SMG1: variants seen among roughly 807,000 people sequenced by gnomAD.
SMG1 encodes the protein serine/threonine-protein kinase SMG1.
SMG1 carries 22 observed loss-of-function variants against 419.9 expected under a neutral mutation model. That is an observed-to-expected ratio of 0.05 (90% CI 0.04 to 0.07). The LOEUF (loss-of-function observed/expected upper bound fraction) is 0.07. SMG1 is among the 10% of genes least tolerant of loss of function. SMG1 has a pLI of 1.00. For missense variants in SMG1, 3,185 were observed against 4,342.0 expected (o/e 0.73, Z 7.49); for synonymous variants, 1,538 against 1,553.5 (o/e 0.99, Z 0.23).
chr16:18,837,086 A>C (rs56962380), intron 46 of SMG1, among the ~76,000 whole-genome samples, 167 bp downstream of exon 46: 1 of 152,170 alleles, frequency 6.6e-6, no homozygotes, highest in Non-Finnish European at 1.5e-5. Flanking sequence ...AAAGCAGACA[A>C]TTTCAGTGAA....
chr16:18,884,302 T>G (rs1404859192), intron 8 of SMG1, 135 bp from the exon 9 acceptor site: 2 of 480,612 alleles, frequency 4.2e-6, no homozygotes, highest in Non-Finnish European at 7.6e-6. Context: ...ATGTCCTATA[T>G]CATAAAATTA....
At chr16:18,885,691 G>A (rs1378994687) in intron 6 of SMG1, 25 bp from the exon 7 acceptor site, 20 of 1,593,540 alleles carry the variant, frequency 1.3e-5, no homozygotes, top group African/African-American at 4.0e-5. Context: ...GTTACAAACC[G>A]TGAACATTCA....
At chr16:18,871,283 T>C in intron 16 of SMG1, 81 bp downstream of exon 16, 1 of 643,306 alleles carries the variant, frequency 1.6e-6, no homozygotes, top group Non-Finnish European at 2.6e-6. Flanking sequence ...AACAGCTCGA[T>C]TCATGACCAT....
intron 1 of SMG1, among the ~76,000 whole-genome samples, chr16:18,902,771 A>T (rs571781383): frequency 1.3e-4 from 20 of 151,990 alleles, no homozygotes; most frequent in Non-Finnish European, 2.5e-4. Context: ...TGCAAGGGTC[A>T]TCTTATGGAC....
intron 30 of SMG1, among the ~76,000 whole-genome samples, chr16:18,854,404 C>T (rs1164519215): frequency 6.6e-6 from 1 of 152,050 alleles, no homozygotes; most frequent in African/African-American, 2.4e-5. Context: ...GTTAAAAAAA[C>T]ATGTAAATTC....
At chr16:18,906,609 C>T (rs2037573562) in intron 1 of SMG1, among the ~76,000 whole-genome samples, 1 of 152,160 alleles carries the variant, frequency 6.6e-6, no homozygotes, top group African/African-American at 2.4e-5. Context: ...CTAAATCCCC[C>T]CCATAAACAT....
At chr16:18,841,397 CAAAAAAAAAAA>C (rs149043036) in intron 41 of SMG1, among the ~76,000 whole-genome samples, 157 bp downstream of exon 41, 1 of 105,368 alleles carries the variant, frequency 9.5e-6, no homozygotes, top group Non-Finnish European at 1.9e-5. Context: ...GACTGTGTCT[CAAAAAAAAAAA>C]AAAAAAAAAA....
At position 18,838,122 on chromosome 16, in the gene SMG1, A is replaced by G. The variant is rs1253533818; in HGVS notation, c.7305T>C (p.Gly2435=). 13 of 1,613,848 alleles carry G rather than the reference A, an allele frequency of 8.1e-6. No homozygotes were observed. The highest frequency in any genetic ancestry group is 1.1e-5 in the Non-Finnish European group (13 of 1,179,892). The stretch of plus-strand genomic sequence containing the variant: ...GCTGGCCACCTCCACCATAGACAGC[A>G]CCAGCAAACCCAGCCTCGCCTCCTG... ...WTAGGEAGFA[G]AVYGGGGQQA... The change falls in exon 45 of 63, where the codon GGT becomes GGC. Residue 2435 remains glycine (G), a synonymous_variant. Transcript: ENST00000446231.
At chr16:18,857,168 G>T (rs777520443) in intron 29 of SMG1, 15 of 152,208 alleles carry the variant, frequency 9.9e-5, no homozygotes, top group Non-Finnish European at 1.6e-4. Flanking sequence ...CTCTGCAGTG[G>T]TCCCTATCTT....
chr16:18,841,403 A>C (rs1421341636), intron 41 of SMG1, among the ~76,000 whole-genome samples, 162 bp downstream of exon 41: 3 of 151,524 alleles, frequency 2.0e-5, no homozygotes, highest in African/African-American at 7.3e-5. Flanking sequence ...GTCTCAAAAA[A>C]AAAAAAAAAA....
chr16:18,838,337 G>T lies in SMG1; in HGVS notation c.7194+20C>A, dbSNP rs1419418775. The T allele has an allele frequency of 5.0e-6, 8 of 1,604,850 alleles. No homozygotes were observed. The highest frequency in any genetic ancestry group is 6.8e-6 in the Non-Finnish European group (8 of 1,174,462). Reference sequence around the variant, plus strand: ...CTCATTTAACAAATACACTAAAAGGGAGAAGAGAAAACAGCATACCTGCTC... The same window carrying T: ...CTCATTTAACAAATACACTAAAAGGTAGAAGAGAAAACAGCATACCTGCTC... On this transcript the variant is annotated intron_variant, in intron 44 of 62. Coordinates refer to ENST00000446231, the MANE Select transcript of SMG1 (RefSeq NM_015092.5).
intron 26 of SMG1, 73 bp downstream of exon 26, chr16:18,860,594 G>GTAAAA (rs1266716088): frequency 3.0e-6 from 2 of 677,420 alleles, no homozygotes; most frequent in African/African-American, 3.7e-5. Flanking sequence ...AGATTTTCCA[G>GTAAAA]TAAAATATAC....
At chr16:18,912,983 T>C (rs1434968702) in intron 1 of SMG1, among the ~76,000 whole-genome samples, 1 of 152,072 alleles carries the variant, frequency 6.6e-6, no homozygotes, top group African/African-American at 2.4e-5. Flanking sequence ...ATCCCAGGAT[T>C]TGTTTTCTTT....
intron 6 of SMG1, among the ~76,000 whole-genome samples, chr16:18,888,164 CAA>C (rs991748168): frequency 1.5e-4 from 6 of 41,190 alleles, no homozygotes; most frequent in East Asian, 7.2e-4. Context: ...GACTCTGCAT[CAA>C]AAAAAAAAAA....
At chr16:18,870,424 A>C (rs2141592284) in intron 18 of SMG1, among the ~76,000 whole-genome samples, 186 bp downstream of exon 18, 1 of 152,362 alleles carries the variant, frequency 6.6e-6, no homozygotes, top group South Asian at 2.1e-4. Flanking sequence ...AGCTCATTAA[A>C]AATTTTTAAT....
chr16:18,900,995 G>A (rs1394351950), intron 1 of SMG1, among the ~76,000 whole-genome samples: 1 of 152,126 alleles, frequency 6.6e-6, no homozygotes, highest in Non-Finnish European at 1.5e-5. Flanking sequence ...TGAGTCTATG[G>A]CTAAAATATT....
chr16:18,854,561 T>A, intron 30 of SMG1, 95 bp downstream of exon 30: 3 of 1,180,900 alleles, frequency 2.5e-6, no homozygotes, highest in Non-Finnish European at 2.3e-6. Context: ...AATGATCAAC[T>A]TTGCTATTAC....
chr16:18,863,237 T>A (rs2035305914), intron 25 of SMG1, among the ~76,000 whole-genome samples: 1 of 152,228 alleles, frequency 6.6e-6, no homozygotes, highest in South Asian at 2.1e-4. Context: ...CACAGAGGAA[T>A]GAAAAGAAAG....
intron 23 of SMG1, 50 bp from the exon 24 acceptor site, chr16:18,864,194 T>TCA: frequency 7.6e-7 from 1 of 1,308,008 alleles, no homozygotes; most frequent in Non-Finnish European, 1.0e-6. Flanking sequence ...TTACTTTTTT[T>TCA]TTTTTTTTTT....
Sources: allele counts gnomAD v4.1 joint callset (sites outside exome capture counted in the v4.1 genomes callset), GRCh38; gene constraint gnomAD v4.1.1; transcripts MANE v1.5; gene names NCBI Gene and HGNC (gene_info 2026-07-23, HGNC 2026-07-21).